ACVRL1: variants seen among roughly 807,000 people sequenced by gnomAD.
ACVRL1 encodes activin A receptor like type 1, also known as activin receptor type-1-like.
ACVRL1 carries 20 observed loss-of-function variants against 51.9 expected under a neutral mutation model. The ratio of observed to expected loss-of-function variants is 0.39; its 90% CI spans 0.27 to 0.56. The LOEUF (loss-of-function observed/expected upper bound fraction) is 0.56. ACVRL1 is among the 20% of genes least tolerant of loss of function. ACVRL1 has a pLI of 0.67. For synonymous variants in ACVRL1, 288 were observed against 280.9 expected (o/e 1.03, Z -0.25); for missense variants, 451 against 670.3 (o/e 0.67, Z 3.61).
chr12:51,920,057 C>A (rs1012798204), intron 9 of ACVRL1, among the ~76,000 whole-genome samples: 8 of 152,142 alleles, frequency 5.3e-5, no homozygotes, highest in African/African-American at 1.9e-4. Flanking sequence ...CCGCAAAAAG[C>A]CACATGTATG....
chr12:51,921,051 A>G lies in ACVRL1; in HGVS notation c.*158A>G. 1.1e-6 allele frequency: 1 copy of G among 894,398 alleles called. No homozygotes were observed. Among genetic ancestry groups the G allele is most frequent in the Non-Finnish European group, 1.7e-6 (1 of 576,126 alleles). The allele number at this position is 894,398 out of a possible 1,614,324, so 55.4% of individuals were successfully genotyped here. On this transcript the variant is annotated 3_prime_UTR_variant, in exon 10 of 10. Coordinates refer to ENST00000388922, the MANE Select transcript of ACVRL1 (RefSeq NM_000020.3). Reference sequence around the variant, plus strand: ...GCCCCCAGCCCACCCAGCCAAAAATACAGCTGGGCTGAAACCTGATCCCCT... The same window carrying G: ...GCCCCCAGCCCACCCAGCCAAAAATGCAGCTGGGCTGAAACCTGATCCCCT...
chr12:51,923,283 C>T lies in ACVRL1; in HGVS notation c.*2390C>T, dbSNP rs1311782820. Reference sequence around the variant, plus strand: ...AGGGTCGAAATTACACTTCTCGTACCTGGAGACGCTGTTTGTGGGAGCACT... The same window carrying T: ...AGGGTCGAAATTACACTTCTCGTACTTGGAGACGCTGTTTGTGGGAGCACT... On this transcript the variant is annotated 3_prime_UTR_variant, in exon 10 of 10. Transcript: ENST00000388922. The T allele has an allele frequency of 6.6e-6, 1 of 152,310 alleles. No homozygotes were observed. The highest frequency in any genetic ancestry group is 6.5e-5 in the Admixed American group (1 of 15,278). The allele number at this position is 152,310 out of a possible 1,614,324, so 9.4% of individuals were successfully genotyped here. A position where few individuals can be genotyped will look rare whatever the true frequency, so the allele number is the denominator to read the frequency against.
chr12:51,916,237 AG>A lies in ACVRL1; in HGVS notation c.1246+7del, dbSNP rs755419795. 6.2e-7 allele frequency: 1 copy of A among 1,613,698 alleles called. No individual in the cohort carries two copies. On this transcript the variant is annotated splice_donor_5th_base_variant and intron_variant, in intron 8 of 9. Coordinates refer to ENST00000388922, the MANE Select transcript of ACVRL1 (RefSeq NM_000020.3). ...GCCCGCCGGACCATCGTGAATGGTG[AG>A]GGCCCACCCTACACAGGGTAGGGAA...
chr12:51,912,959 G>A (rs1940724605), intron 2 of ACVRL1, 140 bp from the exon 3 acceptor site: 8 of 1,276,990 alleles, frequency 6.3e-6, no homozygotes, highest in South Asian at 3.9e-5. Context: ...AAGGATGACT[G>A]AGGATGAAAG....
chr12:51,914,161 G>T, intron 5 of ACVRL1, 88 bp downstream of exon 5: 1 of 1,423,400 alleles, frequency 7.0e-7, no homozygotes. Context: ...TGGAATCACA[G>T]GCGGTGCCAG....
At chr12:51,916,696 G>A (rs369062888) in intron 8 of ACVRL1, among the ~76,000 whole-genome samples, 2 of 152,250 alleles carry the variant, frequency 1.3e-5, no homozygotes, top group East Asian at 1.9e-4. Flanking sequence ...TTTGTAAAAT[G>A]GGTGCGATGG....
chr12:51,918,472 C>T (rs931310239), intron 8 of ACVRL1, among the ~76,000 whole-genome samples: 1 of 152,220 alleles, frequency 6.6e-6, no homozygotes, highest in African/African-American at 2.4e-5. Context: ...TAGGACAGCA[C>T]CTGGCATACA....
In ACVRL1 at chr12:51,911,066, C is replaced by T. The variant is rs148168873; in HGVS notation, c.-5-1404C>T. ...CATGTGCCCAGCCCTGTCAGGCTCA[C>T]CATGTCATGCCAAAGGACAGTCTCC... On this transcript the variant is annotated intron_variant, in intron 1 of 9. Transcript: ENST00000388922. Among the ~76,000 whole-genome samples the T allele has an allele frequency of 7.7e-3, 1,175 of 152,356 alleles. 13 individuals carry two copies. The highest frequency in any genetic ancestry group is 0.026 in the African/African-American group (1,098 of 41,578).
intron 6 of ACVRL1, among the ~76,000 whole-genome samples, 189 bp downstream of exon 6, chr12:51,914,774 G>A (rs1940790846): frequency 1.4e-5 from 2 of 140,856 alleles, no homozygotes; most frequent in Admixed American, 6.9e-5. Context: ...TTTGAGACAG[G>A]GCCTCGCTCT....
chr12:51,913,420 T>A, intron 3 of ACVRL1, 70 bp downstream of exon 3: 1 of 1,353,604 alleles, frequency 7.4e-7, no homozygotes, highest in Non-Finnish European at 1.0e-6. Flanking sequence ...TCCTTTCCTC[T>A]CATGCTCTGG....
Position 51,922,649 on chromosome 12 carries a change from A to T in ACVRL1, c.*1756A>T, listed in dbSNP as rs936129730. The T allele has an allele frequency of 1.3e-5, 2 of 152,222 alleles. No individual in the cohort carries two copies. Among genetic ancestry groups the T allele is most frequent in the Non-Finnish European group, 2.9e-5 (2 of 68,142 alleles). 9.4% of individuals were successfully genotyped at this position (152,222 alleles called of 1,614,324 possible). On this transcript the variant is annotated 3_prime_UTR_variant, in exon 10 of 10. Coordinates refer to ENST00000388922, the MANE Select transcript of ACVRL1 (RefSeq NM_000020.3). ...GCTGCAGGGAAGTGGATTGGAGGGG[A>T]GCTTGAGGAATATAAGGAGCGGGGG...
At chr12:51,914,328 G>T in intron 5 of ACVRL1, 111 bp from the exon 6 acceptor site, 1 of 1,496,736 alleles carries the variant, frequency 6.7e-7, no homozygotes. Context: ...TAAGGGTCTG[G>T]GGTTCTGTGG....
At chr12:51,920,689 C>T in intron 9 of ACVRL1, 70 bp from the exon 10 acceptor site, 1 of 1,569,728 alleles carries the variant, frequency 6.4e-7, no homozygotes, top group East Asian at 2.3e-5. Context: ...CATCTCTCTC[C>T]CGACCCCCTC....
intron 9 of ACVRL1, chr12:51,919,391 G>A: frequency 4.0e-6 from 2 of 497,064 alleles, no homozygotes; most frequent in Middle Eastern, 5.8e-4. Flanking sequence ...GTGTGTGTGT[G>A]TGTGTGTGTG....
Position 51,907,704 on chromosome 12 carries a change from A to C in ACVRL1, c.-6+9A>C, listed in dbSNP as rs1387024245. On this transcript the variant is annotated intron_variant, in intron 1 of 9. Coordinates refer to ENST00000388922, the MANE Select transcript of ACVRL1 (RefSeq NM_000020.3). The surrounding 1 kb of genome is among the most constrained non-coding windows in gnomAD (Gnocchi z 4.5). ...GCAGAGCGGGCCCAGAGGTGAGTCG[A>C]GGTCCGCGGACGGGACCGGGTGGCG... 3 of 152,142 alleles carry C rather than the reference A, an allele frequency of 2.0e-5. No homozygotes were observed. The highest frequency in any genetic ancestry group is 4.4e-5 in the Non-Finnish European group (3 of 68,026). 9.4% of individuals were successfully genotyped at this position (152,142 alleles called of 1,614,324 possible). A position where few individuals can be genotyped will look rare whatever the true frequency, so the allele number is the denominator to read the frequency against.
At chr12:51,909,810 T>TGAGTTCAGATAAACCATTCAAGTTC (rs755814457) in intron 1 of ACVRL1, among the ~76,000 whole-genome samples, 69 of 152,236 alleles carry the variant, frequency 4.5e-4, no homozygotes, top group Admixed American at 1.2e-3. Context: ...GTTCAGTACT[T>TGAGTTCAGATAAACCATTCAAGTTC]AGCACATAAT....
chr12:51,915,873 G>T, intron 7 of ACVRL1, 163 bp from the exon 8 acceptor site: 1 of 753,228 alleles, frequency 1.3e-6, no homozygotes, highest in Non-Finnish European at 2.1e-6. Flanking sequence ...GAGTACCTGG[G>T]GCCATGGTTC....
chr12:51,919,373 G>C, intron 9 of ACVRL1: 13 of 476,352 alleles, frequency 2.7e-5, no homozygotes, highest in South Asian at 4.3e-5. Flanking sequence ...CTGTGTGTGT[G>C]TGTGTGTGTG....
chr12:51,913,400 C>T, intron 3 of ACVRL1, 50 bp downstream of exon 3: 2 of 1,597,558 alleles, frequency 1.3e-6, no homozygotes, highest in Non-Finnish European at 1.7e-6. Context: ...GGCCCCTGCC[C>T]TCCCTTCCCT....
Sources: allele counts gnomAD v4.1 joint callset (sites outside exome capture counted in the v4.1 genomes callset), GRCh38; gene constraint gnomAD v4.1.1; non-coding constraint Gnocchi (gnomAD v3.1); transcripts MANE v1.5; gene names NCBI Gene and HGNC (gene_info 2026-07-23, HGNC 2026-07-21).